The following ZNF486 variants were observed in gnomAD, a reference collection of about 807,000 sequenced individuals.
ZNF486 encodes zinc finger protein 486.
In ZNF486, 12 loss-of-function variants were observed where a neutral mutation model predicts 12.8. The observed-to-expected ratio is 0.94, with a 90% CI of 0.60 to 1.52. The LOEUF (loss-of-function observed/expected upper bound fraction) is 1.52, where lower values mean the gene tolerates loss of function less well. Ranked by LOEUF, ZNF486 falls within the 40% of genes most tolerant of loss-of-function variation. The pLI is 0.00. For missense variants in ZNF486, 738 were observed against 545.0 expected (o/e 1.35, Z -3.53); for synonymous variants, 231 against 184.9 (o/e 1.25, Z -2.02).
intron 1 of ZNF486, among the ~76,000 whole-genome samples, chr19:20,179,404 C>G (rs1426399481): frequency 1.3e-5 from 2 of 152,144 alleles, no homozygotes; most frequent in African/African-American, 2.4e-5. Context: ...TTCCAGGCAA[C>G]TTGAATCTTT....
At chr19:20,177,959 C>T (rs1163458796) in intron 1 of ZNF486, among the ~76,000 whole-genome samples, 1 of 132,852 alleles carries the variant, frequency 7.5e-6, no homozygotes, top group Non-Finnish European at 1.6e-5. Context: ...CGAAGTCTCT[C>T]ATCCCCCAGG....
At chr19:20,196,384 A>G (rs1470856173) in intron 3 of ZNF486, among the ~76,000 whole-genome samples, 1 of 152,176 alleles carries the variant, frequency 6.6e-6, no homozygotes, top group Admixed American at 6.5e-5. Context: ...GCCGGAGTGC[A>G]GTGGTGCAAT....
intron 3 of ZNF486, 139 bp from the exon 4 acceptor site, chr19:20,196,825 C>T (rs1555718023): frequency 7.8e-6 from 9 of 1,157,792 alleles, no homozygotes; most frequent in Middle Eastern, 2.2e-4. Context: ...CTTTATATGT[C>T]CAGGAAGAAA....
chr19:20,178,935 T>C (rs531228851), intron 1 of ZNF486, among the ~76,000 whole-genome samples: 4 of 152,350 alleles, frequency 2.6e-5, no homozygotes, highest in Non-Finnish European at 5.9e-5. Flanking sequence ...ATCTCCACTT[T>C]CACCTTCCTC....
rs1555718287 is a variant in ZNF486 at position 20,197,738 on chromosome 19, T to C, written c.1028T>C (p.Ile343Thr). The C allele has an allele frequency of 3.7e-6, 6 of 1,612,654 alleles. No individual in the cohort carries two copies. The highest frequency in any genetic ancestry group is 5.1e-6 in the Non-Finnish European group (6 of 1,179,694). Residue 343 changes from isoleucine to threonine, a missense_variant, in exon 4 of 4, where the codon ATT (isoleucine) becomes ACT (threonine). By Grantham distance (89) the Ile-to-Thr change is moderately conservative. Coordinates refer to ENST00000335117, the MANE Select transcript of ZNF486 (RefSeq NM_052852.4). ...SSSILSKHEK[I>T]HTGEKPYKCE... ...TCGATCCTTAGTAAACATGAGAAGA[T>C]TCATACGGGAGAGAAACCCTACAAA...
At chr19:20,189,362 G>T (rs781994233) in intron 3 of ZNF486, among the ~76,000 whole-genome samples, 1 of 152,154 alleles carries the variant, frequency 6.6e-6, no homozygotes, top group Non-Finnish European at 1.5e-5. Context: ...GAGCACCTGG[G>T]CCTGGCCTGT....
chr19:20,183,674 T>C (rs542428241), intron 1 of ZNF486, among the ~76,000 whole-genome samples: 1 of 143,480 alleles, frequency 7.0e-6, no homozygotes, highest in African/African-American at 2.9e-5. Flanking sequence ...TTTTTCACTA[T>C]AGAGATAATT....
chr19:20,197,551 C>T lies in ZNF486; in HGVS notation c.841C>T (p.Leu281Phe). ...CAAAGCCTTTATGTACCCCTATACC[C>T]TTACTACACATAAGATAATCCATAC... ...CGKAFMYPYTLTTHKIIHTGE... is the reference protein window; with the variant it reads ...CGKAFMYPYTFTTHKIIHTGE... The change falls in exon 4 of 4, where the codon CTT becomes TTT. Residue 281 changes from leucine (L) to phenylalanine (F), a missense_variant. Transcript: ENST00000335117. 1.2e-6 allele frequency: 2 copies of T among 1,613,366 alleles called. No homozygotes were observed. The highest frequency in any genetic ancestry group is 1.7e-6 in the Non-Finnish European group (2 of 1,179,648).
intron 3 of ZNF486, among the ~76,000 whole-genome samples, chr19:20,194,315 G>A (rs1182602828): frequency 1.3e-5 from 2 of 152,180 alleles, no homozygotes; most frequent in African/African-American, 2.4e-5. Flanking sequence ...GGAAGCACTT[G>A]TTTTATTTGG....
chr19:20,184,732 G>A (rs2089824001), intron 2 of ZNF486, among the ~76,000 whole-genome samples: 1 of 152,080 alleles, frequency 6.6e-6, no homozygotes, highest in South Asian at 2.1e-4. Flanking sequence ...GAAATTTAGT[G>A]GCATAAAATA....
intron 2 of ZNF486, 69 bp from the exon 3 acceptor site, chr19:20,185,918 T>C (rs555777410): frequency 8.4e-5 from 78 of 931,584 alleles, no homozygotes; most frequent in Non-Finnish European, 1.1e-4. Context: ...TTCTTTCTGC[T>C]GAGCACATTA....
rs375527786 is a variant in ZNF486, at chr19:20,188,044, G to T, written c.253+1962G>T. Among the ~76,000 whole-genome samples the T allele has an allele frequency of 5.3e-5, 8 of 152,058 alleles. No individual in the cohort carries two copies. The East Asian group carries it at 9.7e-4, about 18-fold the overall frequency. On this transcript the variant is annotated intron_variant, in intron 3 of 3. Coordinates refer to ENST00000335117, the MANE Select transcript of ZNF486 (RefSeq NM_052852.4). Reference sequence around the variant, plus strand: ...TTTGCTCCGTAGTTAAAACACTAGGGTATGTTTTTGTAGTCAGGTCTGCAT... The same window carrying T: ...TTTGCTCCGTAGTTAAAACACTAGGTTATGTTTTTGTAGTCAGGTCTGCAT...
Position 20,198,160 on chromosome 19 carries a change from A to T in ZNF486, c.*58A>T. 3 of 1,456,304 alleles carry T rather than the reference A, an allele frequency of 2.1e-6. No individual in the cohort carries two copies. The South Asian group carries it at 4.3e-5, about 21-fold the overall frequency. 90.2% of individuals were successfully genotyped at this position (1,456,304 alleles called of 1,614,324 possible). A position where few individuals can be genotyped will look rare whatever the true frequency, so the allele number is the denominator to read the frequency against. On this transcript the variant is annotated 3_prime_UTR_variant, in exon 4 of 4. Coordinates refer to ENST00000335117, the MANE Select transcript of ZNF486 (RefSeq NM_052852.4). ...AGAGGTAATTCTGCTGTTGTTTCCC[A>T]GGCTGGAGTGCAATGGCATAATTTT...
intron 1 of ZNF486, among the ~76,000 whole-genome samples, chr19:20,183,245 TG>T (rs1406787013): frequency 6.6e-6 from 1 of 152,204 alleles, no homozygotes; most frequent in Non-Finnish European, 1.5e-5. Context: ...AGATTTCTGT[TG>T]GGGAAAATTG....
intron 1 of ZNF486, among the ~76,000 whole-genome samples, chr19:20,169,408 C>T (rs1475303616): frequency 6.6e-6 from 1 of 152,124 alleles, no homozygotes; most frequent in Non-Finnish European, 1.5e-5. Context: ...CGCGCCCGGC[C>T]AACAGGAGGT....
chr19:20,179,948 TTTTG>T (rs1207977486), intron 1 of ZNF486, among the ~76,000 whole-genome samples: 2 of 152,204 alleles, frequency 1.3e-5, no homozygotes, highest in African/African-American at 2.4e-5. Flanking sequence ...AGTAGAGTAT[TTTTG>T]TTTCTTTCTC....
chr19:20,197,441 G>C lies in ZNF486; in HGVS notation c.731G>C (p.Gly244Ala). 2 of 1,612,978 alleles carry C rather than the reference G, an allele frequency of 1.2e-6. No individual in the cohort carries two copies. Among genetic ancestry groups the C allele is most frequent in the Non-Finnish European group, 1.7e-6 (2 of 1,179,658 alleles). ...REKPYKCEEC[G>A]KVFKYFSSFT... Reference sequence around the variant, plus strand: ...AAACCCTACAAATGTGAAGAATGTGGCAAAGTCTTTAAGTACTTCTCTAGC... The same window carrying C: ...AAACCCTACAAATGTGAAGAATGTGCCAAAGTCTTTAAGTACTTCTCTAGC... Residue 244 changes from glycine (G) to alanine (A), a missense_variant, in exon 4 of 4, where the codon GGC becomes GCC. By Grantham distance (60) the Gly-to-Ala change is moderately conservative. Transcript: ENST00000335117.
At chr19:20,168,140 T>TCA (rs2089605556) in intron 1 of ZNF486, among the ~76,000 whole-genome samples, 1 of 151,432 alleles carries the variant, frequency 6.6e-6, no homozygotes. Flanking sequence ...GGCGGGAGGA[T>TCA]CTTGTGGTCA....
At chr19:20,190,889 G>A (rs556963146) in intron 3 of ZNF486, among the ~76,000 whole-genome samples, 144 of 152,272 alleles carry the variant, frequency 9.5e-4, no homozygotes, top group African/African-American at 3.3e-3. Context: ...TGTGGGACCT[G>A]GTGGGACATG....
Sources: allele counts gnomAD v4.1 joint callset (sites outside exome capture counted in the v4.1 genomes callset), GRCh38; gene constraint gnomAD v4.1.1; transcripts MANE v1.5; gene names NCBI Gene and HGNC (gene_info 2026-07-23, HGNC 2026-07-21).